TGM3: variants seen among roughly 807,000 people sequenced by gnomAD.
The protein encoded by TGM3 is protein-glutamine gamma-glutamyltransferase E.
In TGM3, 52 loss-of-function variants were observed where a neutral mutation model predicts 73.8. The ratio of observed to expected loss-of-function variants is 0.70; its 90% CI spans 0.56 to 0.89. The LOEUF is 0.89. TGM3 is among the 40% of genes least tolerant of loss of function. The pLI is 0.00. For synonymous variants in TGM3, 372 were observed against 354.9 expected (o/e 1.05, Z -0.54); for missense variants, 928 against 909.9 (o/e 1.02, Z -0.26).
chr20:2,324,092 T>C (rs2084274885), intron 7 of TGM3, among the ~76,000 whole-genome samples: 2 of 152,288 alleles, frequency 1.3e-5, no homozygotes, highest in Admixed American at 6.5e-5. Flanking sequence ...AATTGGATAA[T>C]TTCTAGTCAT....
rs565808355 is a variant in TGM3, at chr20:2,325,870, A to G, written c.1005A>G (p.Glu335=). The G allele has an allele frequency of 1.5e-5, 23 of 1,572,852 alleles. No homozygotes were observed. In the Admixed American group the frequency reaches 3.3e-4, roughly 23 times the overall value. ...DSVWNFHVWN[E]GWFVRSDLGP... is the part of the protein sequence containing the mutation. ...GCAGGAATTTCCATGTCTGGAATGA[A>G]GGCTGGTTTGTGAGGTCTGACCTGG... The change falls in exon 8 of 13, where the codon GAA becomes GAG. Residue 335 remains glutamate (E), a synonymous_variant. Coordinates refer to ENST00000381458, the MANE Select transcript of TGM3 (RefSeq NM_003245.4).
intron 5 of TGM3, among the ~76,000 whole-genome samples, chr20:2,315,226 T>G (rs2122225470): frequency 6.6e-6 from 1 of 152,300 alleles, no homozygotes; most frequent in South Asian, 2.1e-4. Flanking sequence ...TGGAGCCAAT[T>G]TCCTCAGCTG....
At chr20:2,306,001 T>C (rs2084174829) in intron 1 of TGM3, among the ~76,000 whole-genome samples, 1 of 152,186 alleles carries the variant, frequency 6.6e-6, no homozygotes, top group South Asian at 2.1e-4. Flanking sequence ...CCCCTCATAT[T>C]CTTCCTGCAG....
At chr20:2,321,662 C>T (rs906280683) in intron 7 of TGM3, among the ~76,000 whole-genome samples, 2 of 152,150 alleles carry the variant, frequency 1.3e-5, no homozygotes, top group Admixed American at 6.5e-5. Flanking sequence ...TTGGATAGTT[C>T]TGATGCCCGC....
rs2084371001 is a variant in TGM3 at position 2,339,885 on chromosome 20, T to C, written c.1832T>C (p.Val611Ala). 1 of 1,614,030 alleles carries C rather than the reference T, an allele frequency of 6.2e-7. No homozygotes were observed. The highest frequency in any genetic ancestry group is 1.3e-5 in the African/African-American group (1 of 74,938). The change falls in exon 12 of 13, where the codon GTG becomes GCG. Residue 611 changes from valine (V) to alanine (A), a missense_variant. By Grantham distance (64) the Val-to-Ala change is moderately conservative (BLOSUM62 0). Coordinates refer to ENST00000381458, the MANE Select transcript of TGM3 (RefSeq NM_003245.4). ...VLNEARVRKP[V>A]NVQMLFSNPL... ...AACGAGGCTCGTGTGCGGAAGCCTGTGAACGTGCAGATGCTCTTCTCCAAT... is the reference window on the plus strand; with the variant it reads ...AACGAGGCTCGTGTGCGGAAGCCTGCGAACGTGCAGATGCTCTTCTCCAAT...
In TGM3 at chr20:2,325,875, G is replaced by T; in HGVS notation, c.1010G>T (p.Trp337Leu). Residue 337 changes from tryptophan (W) to leucine (L), a missense_variant, in exon 8 of 13, where the codon TGG becomes TTG. Physicochemically the swap from Trp to Leu is moderately conservative, Grantham distance 61 (BLOSUM62 -2). Coordinates refer to ENST00000381458, the MANE Select transcript of TGM3 (RefSeq NM_003245.4). Reference sequence around the variant, plus strand: ...AATTTCCATGTCTGGAATGAAGGCTGGTTTGTGAGGTCTGACCTGGGCCCC... The same window carrying T: ...AATTTCCATGTCTGGAATGAAGGCTTGTTTGTGAGGTCTGACCTGGGCCCC... Reference protein sequence around the residue: ...VWNFHVWNEGWFVRSDLGPSY... With the variant: ...VWNFHVWNEGLFVRSDLGPSY... 6.3e-7 allele frequency: 1 copy of T among 1,577,026 alleles called. No individual in the cohort carries two copies. Among genetic ancestry groups the T allele is most frequent in the South Asian group, 1.2e-5 (1 of 86,268 alleles).
At chr20:2,297,537 G>C (rs1313813403) in intron 1 of TGM3, among the ~76,000 whole-genome samples, 2 of 152,166 alleles carry the variant, frequency 1.3e-5, no homozygotes, top group Non-Finnish European at 2.9e-5. Flanking sequence ...AGGACCTCCC[G>C]TGGACTCTCA....
intron 12 of TGM3, 147 bp downstream of exon 12, chr20:2,340,134 G>A (rs1308587485): frequency 3.6e-6 from 4 of 1,109,556 alleles, no homozygotes; most frequent in Non-Finnish European, 5.1e-6. Flanking sequence ...ATCTGCTTTT[G>A]CATTTGGTTT....
Position 2,334,043 on chromosome 20 carries a change from C to T in TGM3, c.1643-1073C>T, listed in dbSNP as rs889028005. On this transcript the variant is annotated intron_variant, in intron 10 of 12. Transcript: ENST00000381458. The surrounding 1 kb of genome is among the most constrained non-coding windows in gnomAD (Gnocchi z 4.0). ...TGTGGGTGCTGGGGCATCCCCAGGC[C>T]ACCCAGCATGACAGCCTGAGGGAAG... 7.9e-5 allele frequency among the ~76,000 whole-genome samples: 12 copies of T among 152,160 alleles called. No individual in the cohort carries two copies. Among genetic ancestry groups the T allele is most frequent in the African/African-American group, 2.4e-4 (10 of 41,432 alleles).
intron 4 of TGM3, 128 bp from the exon 5 acceptor site, chr20:2,312,770 C>G: frequency 7.4e-7 from 1 of 1,354,212 alleles, no homozygotes; most frequent in African/African-American, 1.4e-5. Context: ...CTCAGTAGCT[C>G]TCAGTTCCAG....
chr20:2,314,430 CACCT>C (rs2084222834), intron 5 of TGM3, among the ~76,000 whole-genome samples: 1 of 152,002 alleles, frequency 6.6e-6, no homozygotes, highest in Non-Finnish European at 1.5e-5. Context: ...CAGTGGTTCA[CACCT>C]GTAATCCCAG....
intron 7 of TGM3, among the ~76,000 whole-genome samples, chr20:2,318,696 C>G (rs531139818): frequency 6.6e-6 from 1 of 152,136 alleles, no homozygotes; most frequent in Non-Finnish European, 1.5e-5. Flanking sequence ...GCTAGATAAT[C>G]GTATGACAGA....
At chr20:2,312,563 C>A (rs1311647134) in intron 4 of TGM3, among the ~76,000 whole-genome samples, 1 of 152,148 alleles carries the variant, frequency 6.6e-6, no homozygotes, top group African/African-American at 2.4e-5. Context: ...AGCCACCTCC[C>A]ATGCATTCAC....
chr20:2,317,979 G>C (rs1314884381), intron 7 of TGM3, among the ~76,000 whole-genome samples: 1 of 142,960 alleles, frequency 7.0e-6, no homozygotes, highest in African/African-American at 2.6e-5. Flanking sequence ...GTATACCTTG[G>C]TTGACATCAA....
At chr20:2,327,068 G>A (rs1033468644) in intron 8 of TGM3, among the ~76,000 whole-genome samples, 47 of 152,140 alleles carry the variant, frequency 3.1e-4, no homozygotes, top group African/African-American at 1.1e-3. Context: ...CCCATTAGTG[G>A]TTATAAAATC....
At chr20:2,296,384 ACACAT>A (rs2084107543) in intron 1 of TGM3, among the ~76,000 whole-genome samples, 1 of 151,958 alleles carries the variant, frequency 6.6e-6, no homozygotes, top group African/African-American at 2.4e-5. Flanking sequence ...CGTTTCTTTT[ACACAT>A]CCGTCGCCAC....
At position 2,340,920 on chromosome 20, in the gene TGM3, A is replaced by G. The variant is rs182975623; in HGVS notation, c.*339A>G. 4.7e-4 allele frequency: 231 copies of G among 489,272 alleles called. No individual in the cohort carries two copies. The highest frequency in any genetic ancestry group is 4.1e-3 in the African/African-American group (209 of 51,540). 30.3% of individuals were successfully genotyped at this position (489,272 alleles called of 1,614,324 possible). A position where few individuals can be genotyped will look rare whatever the true frequency, so the allele number is the denominator to read the frequency against. On this transcript the variant is annotated 3_prime_UTR_variant, in exon 13 of 13. Coordinates refer to ENST00000381458, the MANE Select transcript of TGM3 (RefSeq NM_003245.4). ...GACCCAGGGACTCTCCAAACGGGAT[A>G]CAGGAGAGAAGCTGGTCTAGACTGT... is the stretch of plus-strand genomic sequence containing the variant.
intron 1 of TGM3, among the ~76,000 whole-genome samples, chr20:2,296,308 G>T (rs968559011): frequency 6.6e-6 from 1 of 152,232 alleles, no homozygotes; most frequent in Admixed American, 6.5e-5. Context: ...AATGGGCAGG[G>T]TGTTCAGTGC....
At chr20:2,325,511 G>A (rs1461961457) in intron 7 of TGM3, among the ~76,000 whole-genome samples, 5 of 152,278 alleles carry the variant, frequency 3.3e-5, no homozygotes, top group East Asian at 1.9e-4. Flanking sequence ...ATCTGGATTC[G>A]TTCTGCTCCT....
Sources: allele counts gnomAD v4.1 joint callset (sites outside exome capture counted in the v4.1 genomes callset), GRCh38; gene constraint gnomAD v4.1.1; non-coding constraint Gnocchi (gnomAD v3.1); transcripts MANE v1.5; gene names NCBI Gene and HGNC (gene_info 2026-07-23, HGNC 2026-07-21).